AGBL1: variants seen among roughly 807,000 people sequenced by gnomAD.
AGBL1 encodes AGBL carboxypeptidase 1, also known as cytosolic carboxypeptidase 4.
Under a neutral mutation model 118.9 loss-of-function variants are expected in AGBL1, and 130 were observed. The ratio of observed to expected loss-of-function variants is 1.09; its 90% CI spans 0.95 to 1.26. The LOEUF (loss-of-function observed/expected upper bound fraction) is 1.26. Among genes scored for constraint, AGBL1 ranks in the 50% most tolerant of loss-of-function variants. The pLI is 0.00. For synonymous variants in AGBL1, 555 were observed against 478.9 expected (o/e 1.16, Z -2.08); for missense variants, 1,584 against 1,298.1 (o/e 1.22, Z -3.38).
intron 17 of AGBL1, among the ~76,000 whole-genome samples, chr15:86,323,295 TG>T (rs2080133783): frequency 6.6e-6 from 1 of 151,920 alleles, no homozygotes; most frequent in Non-Finnish European, 1.5e-5. Context: ...ATTCTTAGGG[TG>T]GCTGTGGGGA....
intron 18 of AGBL1, among the ~76,000 whole-genome samples, chr15:86,474,219 A>G (rs2082520196): frequency 6.6e-6 from 1 of 152,156 alleles, no homozygotes; most frequent in African/African-American, 2.4e-5. Context: ...GGCTTGTCGG[A>G]CGGTGGGTGC....
chr15:86,196,296 G>T (rs1401651725), intron 5 of AGBL1, among the ~76,000 whole-genome samples: 1 of 152,124 alleles, frequency 6.6e-6, no homozygotes, highest in Non-Finnish European at 1.5e-5. Context: ...CACAGGCTTA[G>T]TTTTTTCCAT....
At chr15:87,005,694 A>G (rs2141770290) in intron 24 of AGBL1, among the ~76,000 whole-genome samples, 1 of 152,278 alleles carries the variant, frequency 6.6e-6, no homozygotes, top group South Asian at 2.1e-4. Context: ...TCTACTTGTC[A>G]AAGTCATTCT....
chr15:86,828,667 C>T (rs7173669), intron 22 of AGBL1, among the ~76,000 whole-genome samples: 5,602 of 152,104 alleles, frequency 0.037, 247 homozygotes, highest in African/African-American at 0.087. Flanking sequence ...TGACACCTTG[C>T]CTTTAGCCCA....
chr15:86,393,017 C>G (rs2081311573), intron 17 of AGBL1, among the ~76,000 whole-genome samples: 1 of 152,120 alleles, frequency 6.6e-6, no homozygotes, highest in South Asian at 2.1e-4. Flanking sequence ...ATTGAATGGT[C>G]TTGTAAGTTT....
Position 86,158,959 on chromosome 15 carries a change from A to G in AGBL1, c.421A>G (p.Asn141Asp). Reference protein sequence around the residue: ...SVSMGAMLGINGAMELLFKVI... With the variant: ...SVSMGAMLGIDGAMELLFKVI... The stretch of plus-strand genomic sequence containing the variant: ...CTCCATGGGAGCCATGCTGGGAATT[A>G]ATGGAGCCATGGAACTGCTTTTCAA... Residue 141 changes from asparagine (N) to aspartate (D), a missense_variant, in exon 5 of 23, where the codon AAT becomes GAT. Coordinates refer to ENST00000614907, the MANE Select transcript of AGBL1 (RefSeq NM_001386094.1). The G allele has an allele frequency of 6.2e-7, 1 of 1,613,348 alleles. No homozygotes were observed. The highest frequency in any genetic ancestry group is 8.5e-7 in the Non-Finnish European group (1 of 1,179,434).
intron 18 of AGBL1, among the ~76,000 whole-genome samples, chr15:86,500,461 A>G (rs2142159188): frequency 6.6e-6 from 1 of 151,932 alleles, no homozygotes; most frequent in East Asian, 1.9e-4. Context: ...GACTATTTGG[A>G]ATATGAAATG....
At chr15:86,956,226 T>C (rs1018766037) in intron 23 of AGBL1, among the ~76,000 whole-genome samples, 2 of 132,036 alleles carry the variant, frequency 1.5e-5, no homozygotes, top group African/African-American at 6.4e-5. Context: ...ATTAGATAGA[T>C]AGATAGATAG....
In AGBL1 at chr15:86,910,814, T is replaced by C. The variant is rs77456902; in HGVS notation, c.*3520T>C. The C allele has an allele frequency of 0.034, 5,243 of 152,072 alleles. 103 individuals carry two copies. Among genetic ancestry groups the C allele is most frequent in the Non-Finnish European group, 0.052 (3,551 of 68,016 alleles). The allele number at this position is 152,072 out of a possible 1,614,324, so 9.4% of individuals were successfully genotyped here. A position where few individuals can be genotyped will look rare whatever the true frequency, so the allele number is the denominator to read the frequency against. ...GCACCTAAGCCCAGGTGTCAGTGAG[T>C]TGGGAAGGCAATTGATTGGAGGGAA... On this transcript the variant is annotated 3_prime_UTR_variant, in exon 23 of 23. Coordinates refer to ENST00000614907, the MANE Select transcript of AGBL1 (RefSeq NM_001386094.1).
At chr15:86,443,378 A>G (rs562603885) in intron 18 of AGBL1, among the ~76,000 whole-genome samples, 183 of 152,326 alleles carry the variant, frequency 1.2e-3, no homozygotes, top group Non-Finnish European at 2.0e-3. Flanking sequence ...ATATTTTGAT[A>G]CATGTATACA....
chr15:86,644,127 AATC>A (rs1228148265), intron 21 of AGBL1, among the ~76,000 whole-genome samples: 4 of 152,240 alleles, frequency 2.6e-5, no homozygotes, highest in Non-Finnish European at 5.9e-5. Context: ...ATATTAATCT[AATC>A]ATCACTATTT....
At chr15:86,298,477 G>A (rs2079693907) in intron 17 of AGBL1, among the ~76,000 whole-genome samples, 5 of 150,912 alleles carry the variant, frequency 3.3e-5, no homozygotes, top group Admixed American at 3.3e-4. Context: ...CCTTCAAAGT[G>A]CAAATAACCA....
intron 17 of AGBL1, among the ~76,000 whole-genome samples, chr15:86,386,589 C>G (rs1208647203): frequency 6.6e-6 from 1 of 151,828 alleles, no homozygotes; most frequent in African/African-American, 2.4e-5. Flanking sequence ...CTTTAACTGG[C>G]CAAGTTTCCT....
intron 22 of AGBL1, among the ~76,000 whole-genome samples, chr15:86,850,247 C>A (rs2141456671): frequency 6.6e-6 from 1 of 151,930 alleles, no homozygotes; most frequent in Admixed American, 6.6e-5. Flanking sequence ...ATTCTTGCTG[C>A]CTTAGGCTAT....
At chr15:86,982,790 T>C (rs1205707878) in intron 23 of AGBL1, among the ~76,000 whole-genome samples, 1 of 152,206 alleles carries the variant, frequency 6.6e-6, no homozygotes, top group African/African-American at 2.4e-5. Flanking sequence ...GTTAACTGTT[T>C]TTGCTATTGG....
chr15:86,314,264 A>T (rs117204866), intron 17 of AGBL1, among the ~76,000 whole-genome samples: 68 of 152,328 alleles, frequency 4.5e-4, no homozygotes, highest in Non-Finnish European at 9.0e-4. Context: ...GAGTTACCAC[A>T]CCTAAACCAG....
At chr15:86,737,314 G>A (rs1409347055) in intron 22 of AGBL1, among the ~76,000 whole-genome samples, 1 of 152,154 alleles carries the variant, frequency 6.6e-6, no homozygotes, top group Non-Finnish European at 1.5e-5. Flanking sequence ...AGAAACAGCT[G>A]ATGCAATTTC....
intron 18 of AGBL1, among the ~76,000 whole-genome samples, chr15:86,500,391 G>A (rs1326577803): frequency 6.6e-6 from 1 of 151,820 alleles, no homozygotes; most frequent in Admixed American, 6.6e-5. Context: ...GTTCTAGTAT[G>A]GAAATAGGTA....
intron 18 of AGBL1, among the ~76,000 whole-genome samples, chr15:86,417,468 C>G (rs1596088159): frequency 1.3e-5 from 2 of 152,270 alleles, no homozygotes; most frequent in East Asian, 1.9e-4. Flanking sequence ...TGAACATATC[C>G]TAAGTAAGAA....
Sources: allele counts gnomAD v4.1 joint callset (sites outside exome capture counted in the v4.1 genomes callset), GRCh38; gene constraint gnomAD v4.1.1; transcripts MANE v1.5; gene names NCBI Gene and HGNC (gene_info 2026-07-23, HGNC 2026-07-21).